FBXL17: variants seen among roughly 807,000 people sequenced by gnomAD.
FBXL17 encodes F-box/LRR-repeat protein 17.
FBXL17 carries 22 observed loss-of-function variants against 66.2 expected under a neutral mutation model. The observed-to-expected ratio is 0.33, with a 90% confidence interval of 0.24 to 0.47. The LOEUF is 0.47. Ranked by LOEUF, FBXL17 falls within the 20% of genes least tolerant of loss-of-function variation. The probability of loss-of-function intolerance (pLI) is 1.00; values close to 1 mark genes in which losing one functional copy is unlikely to be tolerated. For missense variants in FBXL17, 878 were observed against 948.2 expected (o/e 0.93, Z 0.97); for synonymous variants, 474 against 400.5 (o/e 1.18, Z -2.19).
At chr5:107,901,094 A>G (rs1749557132) in intron 7 of FBXL17, among the ~76,000 whole-genome samples, 1 of 152,224 alleles carries the variant, frequency 6.6e-6, no homozygotes, top group African/African-American at 2.4e-5. Flanking sequence ...GATCGCTTTT[A>G]TAAGAGTTAC....
In FBXL17 at chr5:108,372,980, T is replaced by G. The variant is rs576201985; in HGVS notation, c.994-5027A>C. Among the ~76,000 whole-genome samples the G allele has an allele frequency of 3.4e-4, 52 of 152,004 alleles. No homozygotes were observed. In the South Asian group the frequency reaches 0.011, roughly 32 times the overall value. On this transcript the variant is annotated intron_variant, in intron 1 of 8. Transcript: ENST00000542267. ...TGAATCTATATTGATTGGCACAAAA[T>G]TCATAAAGCTGTAACTTGTGACAAT...
intron 7 of FBXL17, among the ~76,000 whole-genome samples, chr5:108,011,264 T>G (rs1269392748): frequency 6.6e-6 from 1 of 152,180 alleles, no homozygotes; most frequent in Non-Finnish European, 1.5e-5. Flanking sequence ...AAAATTATCT[T>G]GAAGAGCAGG....
At chr5:108,307,490 T>G (rs1209348315) in intron 4 of FBXL17, among the ~76,000 whole-genome samples, 3 of 152,008 alleles carry the variant, frequency 2.0e-5, no homozygotes, top group African/African-American at 7.2e-5. Context: ...AATTTTTTTG[T>G]AGACACAGGG....
intron 4 of FBXL17, among the ~76,000 whole-genome samples, chr5:108,340,270 G>A (rs1205431711): frequency 6.6e-6 from 1 of 151,778 alleles, no homozygotes; most frequent in African/African-American, 2.4e-5. Context: ...CGTGTTTTAG[G>A]CCAGGCATGG....
At chr5:108,182,828 T>C (rs1753060435) in intron 6 of FBXL17, among the ~76,000 whole-genome samples, 1 of 152,102 alleles carries the variant, frequency 6.6e-6, no homozygotes, top group South Asian at 2.1e-4. Context: ...TTTAAAGAAC[T>C]AGAAGATTAG....
intron 6 of FBXL17, among the ~76,000 whole-genome samples, chr5:108,175,657 A>G (rs1344055499): frequency 6.6e-6 from 1 of 152,186 alleles, no homozygotes; most frequent in Non-Finnish European, 1.5e-5. Context: ...TGTCTTCAGG[A>G]AACACTTCCC....
chr5:108,282,913 C>CA (rs573589522), intron 4 of FBXL17, among the ~76,000 whole-genome samples: 5,717 of 123,372 alleles, frequency 0.046, 181 homozygotes, highest in African/African-American at 0.1. Context: ...ATAATAGCAA[C>CA]AAAAAAAAAA....
chr5:107,925,394 T>A (rs1750493206), intron 7 of FBXL17, among the ~76,000 whole-genome samples: 1 of 152,180 alleles, frequency 6.6e-6, no homozygotes, highest in Non-Finnish European at 1.5e-5. Flanking sequence ...GCAGATGCTA[T>A]CATTGCCCTC....
chr5:107,953,554 T>C (rs781164744), intron 7 of FBXL17, among the ~76,000 whole-genome samples: 1 of 152,154 alleles, frequency 6.6e-6, no homozygotes, highest in Admixed American at 6.5e-5. Flanking sequence ...TGCTTCCCTT[T>C]CTAGCTTTGG....
chr5:107,902,548 A>G (rs1488106942), intron 7 of FBXL17, among the ~76,000 whole-genome samples: 1 of 152,102 alleles, frequency 6.6e-6, no homozygotes, highest in Non-Finnish European at 1.5e-5. Flanking sequence ...AAAATTGTTA[A>G]CACTGCAAGA....
chr5:108,356,906 C>T (rs562100716), intron 3 of FBXL17, among the ~76,000 whole-genome samples: 5 of 151,970 alleles, frequency 3.3e-5, no homozygotes, highest in African/African-American at 9.6e-5. Flanking sequence ...ATGGGAGGGG[C>T]TATGCATGTG....
intron 6 of FBXL17, among the ~76,000 whole-genome samples, chr5:108,059,735 G>A (rs1747847886): frequency 6.6e-6 from 1 of 152,134 alleles, no homozygotes; most frequent in East Asian, 1.9e-4. Context: ...ATGGTTTACA[G>A]TTTATTCCAG....
At chr5:108,340,798 C>A (rs962715505) in intron 4 of FBXL17, among the ~76,000 whole-genome samples, 58 of 152,280 alleles carry the variant, frequency 3.8e-4, no homozygotes, top group African/African-American at 1.2e-3. Flanking sequence ...CCTAACCCAA[C>A]ATTTATTGAA....
At chr5:107,952,356 C>G (rs191588755) in intron 7 of FBXL17, among the ~76,000 whole-genome samples, 10 of 152,300 alleles carry the variant, frequency 6.6e-5, no homozygotes, top group Admixed American at 2.0e-4. Flanking sequence ...TTTTCTACAT[C>G]TGCCTCCACT....
At chr5:108,080,064 TCTGGA>T (rs1185980694) in intron 6 of FBXL17, among the ~76,000 whole-genome samples, 1 of 152,156 alleles carries the variant, frequency 6.6e-6, no homozygotes, top group East Asian at 1.9e-4. Context: ...CCACCTACTG[TCTGGA>T]GGCACTAGAT....
intron 4 of FBXL17, among the ~76,000 whole-genome samples, chr5:108,243,738 C>A (rs557700930): frequency 6.6e-6 from 1 of 152,122 alleles, no homozygotes; most frequent in Non-Finnish European, 1.5e-5. Context: ...AAGAGTATTA[C>A]TGAAGGCTAA....
At chr5:108,029,464 C>CT (rs562353671) in intron 6 of FBXL17, among the ~76,000 whole-genome samples, 37 of 152,184 alleles carry the variant, frequency 2.4e-4, no homozygotes, top group Middle Eastern at 3.4e-3. Context: ...TTCCAAAGCT[C>CT]TTGGGACTGC....
chr5:108,186,021 A>T (rs554006959), intron 6 of FBXL17, 96 bp downstream of exon 6: 12 of 940,674 alleles, frequency 1.3e-5, no homozygotes, highest in Non-Finnish European at 1.8e-5. Context: ...GCACAGCTGT[A>T]TTCAATTTTA....
At chr5:108,131,860 T>C (rs1750946314) in intron 6 of FBXL17, among the ~76,000 whole-genome samples, 1 of 152,200 alleles carries the variant, frequency 6.6e-6, no homozygotes, top group African/African-American at 2.4e-5. Context: ...ATTTTAATTA[T>C]TTAAGAGTAA....
Sources: gnomAD v4.1 joint callset for allele counts (sites outside exome capture counted in the v4.1 genomes callset) on GRCh38, gnomAD v4.1.1 for gene constraint, MANE v1.5 for transcripts, NCBI Gene and HGNC (gene_info 2026-07-23, HGNC 2026-07-21) for gene names.